The following DHRSX variants were observed in gnomAD, a reference collection of about 807,000 sequenced individuals.
DHRSX encodes the protein dehydrogenase/reductase X-linked.
In DHRSX, 31 loss-of-function variants were observed where a neutral mutation model predicts 34.0. The observed-to-expected ratio is 0.91, with a 90% CI of 0.69 to 1.23. The LOEUF is 1.23. DHRSX is among the 50% of genes most tolerant of loss of function. The pLI is 0.00. For synonymous variants in DHRSX, 201 were observed against 183.8 expected, an observed-to-expected ratio of 1.09 and a Z score of -0.76; for missense variants, 414 against 428.1, an observed-to-expected ratio of 0.97 and a Z score of 0.29.
intron 3 of DHRSX, among the ~76,000 whole-genome samples, chrX:2,319,468 A>G (rs1468262942): frequency 5.4e-5 from 8 of 147,410 alleles, no homozygotes. Context: ...GCTTGAACCC[A>G]GGAGACGGAG....
Position 2,276,667 on chromosome X carries a change from G to GA in DHRSX, c.389-9721dup, listed in dbSNP as rs1437190814. Among the ~76,000 whole-genome samples, 7 of 151,978 alleles carry GA rather than the reference G, an allele frequency of 4.6e-5. No homozygotes were observed. The East Asian group carries it at 1.4e-3, about 30-fold the overall frequency. The stretch of plus-strand genomic sequence containing the variant: ...GTGTATCCTGAACGGGAGGAGAAGG[G>GA]AGAGTTCTCCGCTCTCCAAGCGGAG... On this transcript the variant is annotated intron_variant, in intron 4 of 6. Transcript: ENST00000334651.
chrX:2,487,017 T>C (rs1257490802), intron 1 of DHRSX: 2 of 152,206 alleles, frequency 1.3e-5, no homozygotes, highest in Non-Finnish European at 2.9e-5. Context: ...CAGCCCAGCT[T>C]GTCTTCACGG....
intron 1 of DHRSX, among the ~76,000 whole-genome samples, chrX:2,477,966 C>T (rs995516594): frequency 6.6e-5 from 10 of 152,202 alleles, no homozygotes; most frequent in African/African-American, 2.4e-4. Flanking sequence ...CTGTCATCCT[C>T]CCAAGTCTAC....
rs367825148 is a variant in DHRSX at position 2,323,683 on chromosome X, C to T, written c.287-32080G>A. Among the ~76,000 whole-genome samples the T allele has an allele frequency of 2.2e-4, 33 of 152,240 alleles. No individual in the cohort carries two copies. In the East Asian group the frequency reaches 3.5e-3, roughly 16 times the overall value. On this transcript the variant is annotated intron_variant, in intron 3 of 6. Coordinates refer to ENST00000334651, the MANE Select transcript of DHRSX (RefSeq NM_145177.3). ...ACTTTAGACACTGTGGTGGGAAGAT[C>T]ACTCGAGCCCGGGAGGCTGAAGCTG...
chrX:2,415,273 A>C (rs1280632551), intron 2 of DHRSX, among the ~76,000 whole-genome samples: 5 of 151,864 alleles, frequency 3.3e-5, no homozygotes, highest in Non-Finnish European at 5.9e-5. Context: ...TCATGACCTA[A>C]TACAACTAGA....
intron 3 of DHRSX, among the ~76,000 whole-genome samples, chrX:2,367,450 A>G (rs138637975): frequency 0.01 from 1,533 of 151,994 alleles, 25 homozygotes; most frequent in African/African-American, 0.035. Flanking sequence ...AAAAAAAGAA[A>G]AAAGAAAAAA....
chrX:2,463,730 C>T (rs190353213), intron 1 of DHRSX, among the ~76,000 whole-genome samples: 17 of 152,224 alleles, frequency 1.1e-4, no homozygotes, highest in Admixed American at 2.0e-4. Flanking sequence ...AGGCTGGCTG[C>T]GTCTCTCACT....
At chrX:2,285,024 T>C (rs2041788025) in intron 4 of DHRSX, among the ~76,000 whole-genome samples, 1 of 152,024 alleles carries the variant, frequency 6.6e-6, no homozygotes, top group South Asian at 2.1e-4. Context: ...AGCAGGAGTT[T>C]TGGAGGGAAG....
At chrX:2,284,473 G>GTC (rs2041780791) in intron 4 of DHRSX, among the ~76,000 whole-genome samples, 1 of 152,124 alleles carries the variant, frequency 6.6e-6, no homozygotes, top group Admixed American at 6.5e-5. Flanking sequence ...GAGTCTTTAG[G>GTC]TCTCTGGCCA....
chrX:2,310,913 T>C (rs1367441401), intron 3 of DHRSX, among the ~76,000 whole-genome samples: 1 of 151,710 alleles, frequency 6.6e-6, no homozygotes, highest in African/African-American at 2.4e-5. Flanking sequence ...ATATAAAAAC[T>C]AGCTGAGCGT....
intron 1 of DHRSX, among the ~76,000 whole-genome samples, chrX:2,459,780 G>T (rs2044377599): frequency 6.6e-6 from 1 of 151,974 alleles, no homozygotes; most frequent in African/African-American, 2.4e-5. Flanking sequence ...GCTCCAAGTT[G>T]TCAAGGAAAG....
At chrX:2,251,725 G>A (rs929427732) in intron 5 of DHRSX, among the ~76,000 whole-genome samples, 3 of 152,128 alleles carry the variant, frequency 2.0e-5, no homozygotes, top group African/African-American at 7.2e-5. Flanking sequence ...TGGCACTGGG[G>A]AACAAGCATT....
intron 5 of DHRSX, among the ~76,000 whole-genome samples, chrX:2,260,930 T>C (rs1285526682): frequency 6.6e-6 from 1 of 151,992 alleles, no homozygotes; most frequent in Non-Finnish European, 1.5e-5. Flanking sequence ...TTAATGGTGG[T>C]CGGGTGTGGT....
chrX:2,481,736 G>A (rs2925848), intron 1 of DHRSX, among the ~76,000 whole-genome samples: 91 of 151,988 alleles, frequency 6.0e-4, no homozygotes, highest in African/African-American at 1.3e-3. Flanking sequence ...ACACGAGGTC[G>A]TCTCACAAAG....
intron 3 of DHRSX, among the ~76,000 whole-genome samples, chrX:2,396,375 CTT>C (rs1204243041): frequency 4.2e-4 from 42 of 99,226 alleles, no homozygotes; most frequent in African/African-American, 1.4e-3. Flanking sequence ...CTTTCTTTTT[CTT>C]TTTTTTTTTT....
chrX:2,243,791 T>TTTTTTTTTGTTTG (rs2016205505), intron 5 of DHRSX, among the ~76,000 whole-genome samples: 1 of 29,144 alleles, frequency 3.4e-5, no homozygotes, highest in African/African-American at 2.8e-4. Flanking sequence ...GCTCCCTGTT[T>TTTTTTTTTGTTTG]TTTTTTTTTT....
intron 3 of DHRSX, among the ~76,000 whole-genome samples, chrX:2,353,284 T>G (rs1352115437): frequency 6.6e-6 from 1 of 152,020 alleles, no homozygotes; most frequent in South Asian, 2.1e-4. Context: ...CCTGAAGCCA[T>G]GTGTATGTCA....
chrX:2,418,718 GA>G (rs2043729594), intron 2 of DHRSX, among the ~76,000 whole-genome samples: 2 of 152,264 alleles, frequency 1.3e-5, no homozygotes, highest in South Asian at 4.1e-4. Context: ...AACCTTCAGA[GA>G]ATACCTATTG....
At chrX:2,233,561 A>G (rs1480725453) in intron 6 of DHRSX, among the ~76,000 whole-genome samples, 2 of 152,174 alleles carry the variant, frequency 1.3e-5, no homozygotes, top group Non-Finnish European at 2.9e-5. Flanking sequence ...AATCTGCATC[A>G]AGCCACTCTT....
Sources: gnomAD v4.1 joint callset for allele counts (sites outside exome capture counted in the v4.1 genomes callset) on GRCh38, gnomAD v4.1.1 for gene constraint, MANE v1.5 for transcripts, NCBI Gene and HGNC (gene_info 2026-07-23, HGNC 2026-07-21) for gene names.